Variants in ARID1B observed in about 807,000 individuals in gnomAD.
ARID1B encodes the protein AT-rich interaction domain 1B.
ARID1B carries 30 observed loss-of-function variants against 212.3 expected under a neutral mutation model. The observed-to-expected ratio is 0.14, with a 90% CI of 0.11 to 0.19. The LOEUF (loss-of-function observed/expected upper bound fraction) is 0.19. Among genes scored for constraint, ARID1B ranks in the 10% least tolerant of loss-of-function variants. The pLI is 1.00. For synonymous variants in ARID1B, 1,402 were observed against 1,301.7 expected (o/e 1.08, Z -1.66); for missense variants, 2,891 against 3,204.0 (o/e 0.90, Z 2.36).
At chr6:156,914,954 G>A (rs1790228222) in intron 3 of ARID1B, among the ~76,000 whole-genome samples, 1 of 152,010 alleles carries the variant, frequency 6.6e-6, no homozygotes, top group Non-Finnish European at 1.5e-5. Flanking sequence ...ATTTATGAGT[G>A]GAAGGACTTT....
Position 156,990,186 on chromosome 6 carries a change from T to A in ARID1B, c.2247+54610T>A, listed in dbSNP as rs567980143. On this transcript the variant is annotated intron_variant, in intron 4 of 19. Transcript: ENST00000636930. Reference sequence around the variant, plus strand: ...AGATTTCCTTAACTTTTTTTTTTTTTTTTTTTAAAGAGAGTCTCATTCTGT... The same window carrying A: ...AGATTTCCTTAACTTTTTTTTTTTTATTTTTTAAAGAGAGTCTCATTCTGT... Among the ~76,000 whole-genome samples the A allele has an allele frequency of 3.0e-4, 45 of 151,414 alleles. No individual in the cohort carries two copies. In the South Asian group the frequency reaches 7.8e-3, roughly 26 times the overall value.
intron 16 of ARID1B, among the ~76,000 whole-genome samples, chr6:157,196,987 G>T (rs563133494): frequency 6.6e-6 from 1 of 152,194 alleles, no homozygotes; most frequent in Non-Finnish European, 1.5e-5. Context: ...TTTGTAACTA[G>T]ATAGGAGGAA....
At chr6:156,803,487 C>T (rs892984247) in intron 1 of ARID1B, among the ~76,000 whole-genome samples, 2 of 152,092 alleles carry the variant, frequency 1.3e-5, no homozygotes, top group Admixed American at 1.3e-4. Flanking sequence ...ATCTTCCTCC[C>T]TCTGTACTTA....
At chr6:156,914,589 A>G (rs1790195872) in intron 3 of ARID1B, among the ~76,000 whole-genome samples, 2 of 152,014 alleles carry the variant, frequency 1.3e-5, no homozygotes, top group Admixed American at 6.5e-5. Flanking sequence ...CCTTACCTGT[A>G]TGATTTCTTT....
At chr6:156,841,417 C>T (rs377122856) in intron 2 of ARID1B, among the ~76,000 whole-genome samples, 1 of 152,204 alleles carries the variant, frequency 6.6e-6, no homozygotes, top group East Asian at 1.9e-4. Flanking sequence ...AGTTGAGAAT[C>T]TTTGATAGAC....
intron 4 of ARID1B, among the ~76,000 whole-genome samples, chr6:156,960,127 C>G (rs1794270014): frequency 6.6e-6 from 1 of 152,022 alleles, no homozygotes; most frequent in African/African-American, 2.4e-5. Flanking sequence ...GACGGGGTTT[C>G]ACCGTGTAGG....
At chr6:157,083,138 C>T (rs1427056351) in intron 4 of ARID1B, among the ~76,000 whole-genome samples, 1 of 152,114 alleles carries the variant, frequency 6.6e-6, no homozygotes, top group Admixed American at 6.5e-5. Context: ...TTAGCATTTT[C>T]CTCTGCCAGA....
intron 4 of ARID1B, among the ~76,000 whole-genome samples, chr6:156,990,886 C>T (rs561672329): frequency 2.6e-5 from 4 of 152,248 alleles, no homozygotes; most frequent in Non-Finnish European, 4.4e-5. Context: ...AATGGCTTTT[C>T]ATGGTGAATC....
intron 9 of ARID1B, chr6:157,169,013 G>A (rs933767575): frequency 2.0e-5 from 3 of 152,332 alleles, no homozygotes; most frequent in African/African-American, 7.2e-5. Flanking sequence ...GCAGGTACAC[G>A]TGAATCTGCT....
chr6:157,013,532 G>T (rs1245993156), intron 4 of ARID1B, among the ~76,000 whole-genome samples: 1 of 152,140 alleles, frequency 6.6e-6, no homozygotes, highest in East Asian at 1.9e-4. Flanking sequence ...TAGTTAAAAG[G>T]CATTTACCAG....
At chr6:156,826,377 G>A (rs1782741920) in intron 1 of ARID1B, among the ~76,000 whole-genome samples, 1 of 152,218 alleles carries the variant, frequency 6.6e-6, no homozygotes, top group Non-Finnish European at 1.5e-5. Context: ...GTCCCTTCAG[G>A]ACATCTGCTG....
At chr6:156,956,823 T>C (rs1794011995) in intron 4 of ARID1B, among the ~76,000 whole-genome samples, 1 of 152,188 alleles carries the variant, frequency 6.6e-6, no homozygotes, top group Admixed American at 6.5e-5. Context: ...CCATATATTG[T>C]TATATACCAC....
intron 4 of ARID1B, among the ~76,000 whole-genome samples, chr6:156,966,474 A>G (rs1373391501): frequency 1.5e-5 from 2 of 136,354 alleles, no homozygotes; most frequent in Admixed American, 7.5e-5. Context: ...GCTCACTGCA[A>G]CCTCCGCCTC....
chr6:156,777,783 C>G lies in ARID1B; in HGVS notation c.103C>G (p.Pro35Ala), dbSNP rs1390802540. 1 of 908,956 alleles carries G rather than the reference C, an allele frequency of 1.1e-6. No individual in the cohort carries two copies. The highest frequency in any genetic ancestry group is 1.3e-6 in the Non-Finnish European group (1 of 764,172). 56.3% of individuals were successfully genotyped at this position (908,956 alleles called of 1,614,324 possible). A position where few individuals can be genotyped will look rare whatever the true frequency, so the allele number is the denominator to read the frequency against. ...GGCGCCCCCCGGGCCGCGGCCGGCGCCCGGAGCCCGGGACCTGGAGGCGGG... is the reference window on the plus strand; with the variant it reads ...GGCGCCCCCCGGGCCGCGGCCGGCGGCCGGAGCCCGGGACCTGGAGGCGGG... ...RRAPPGPRPA[P>A]GARDLEAGAR... The change falls in exon 1 of 20, where the codon CCC (proline) becomes GCC (alanine). Residue 35 changes from proline (P) to alanine (A), a missense_variant. Pro to Ala is a conservative substitution (Grantham distance 27). Coordinates refer to ENST00000636930, the MANE Select transcript of ARID1B (RefSeq NM_001374828.1).
At chr6:157,119,922 T>C (rs1226343348) in intron 6 of ARID1B, among the ~76,000 whole-genome samples, 2 of 152,224 alleles carry the variant, frequency 1.3e-5, no homozygotes, top group East Asian at 3.8e-4. Flanking sequence ...AGGTACAAGC[T>C]TTATCACTAA....
Position 156,778,107 on chromosome 6 carries a change from G to C in ARID1B, c.427G>C (p.Glu143Gln), listed in dbSNP as rs760615443. 1.3e-6 allele frequency: 2 copies of C among 1,541,040 alleles called. No homozygotes were observed. The highest frequency in any genetic ancestry group is 2.4e-5 in the South Asian group (2 of 83,982). ...CTCGTCGGGCCCGGGCTCGGCCATGGAGACGGGGCTGCTCCCCAACCACAA... is the reference window on the plus strand; with the variant it reads ...CTCGTCGGGCCCGGGCTCGGCCATGCAGACGGGGCTGCTCCCCAACCACAA... ...SSSSGPGSAM[E>Q]TGLLPNHKLK... The change falls in exon 1 of 20, where the codon GAG becomes CAG. Residue 143 changes from glutamate to glutamine, a missense_variant. By Grantham distance (29) the Glu-to-Gln change is conservative (BLOSUM62 2). Coordinates refer to ENST00000636930, the MANE Select transcript of ARID1B (RefSeq NM_001374828.1).
At chr6:157,080,988 A>T (rs2128454016) in intron 4 of ARID1B, among the ~76,000 whole-genome samples, 1 of 152,352 alleles carries the variant, frequency 6.6e-6, no homozygotes, top group South Asian at 2.1e-4. Flanking sequence ...TAATAGCAAG[A>T]TTTCACCAAA....
intron 1 of ARID1B, among the ~76,000 whole-genome samples, chr6:156,825,350 T>C (rs1046639363): frequency 6.6e-6 from 1 of 152,254 alleles, no homozygotes; most frequent in African/African-American, 2.4e-5. Flanking sequence ...ACTGTTTTTC[T>C]ATCTGAAGTC....
chr6:156,961,064 C>G (rs1312844427), intron 4 of ARID1B, among the ~76,000 whole-genome samples: 2 of 152,198 alleles, frequency 1.3e-5, no homozygotes, highest in Non-Finnish European at 2.9e-5. Flanking sequence ...AGAAATCACC[C>G]TCTTGGGAAA....
Sources: gnomAD v4.1 joint callset for allele counts (sites outside exome capture counted in the v4.1 genomes callset) on GRCh38, gnomAD v4.1.1 for gene constraint, MANE v1.5 for transcripts, NCBI Gene and HGNC (gene_info 2026-07-23, HGNC 2026-07-21) for gene names.